The following ZNF536 variants were observed in gnomAD, a reference collection of about 807,000 sequenced individuals.
ZNF536 encodes the protein zinc finger protein 536.
A neutral mutation model predicts 84.5 loss-of-function variants in ZNF536; 13 were observed. The ratio of observed to expected loss-of-function variants is 0.15; its 90% CI spans 0.10 to 0.24. The LOEUF (loss-of-function observed/expected upper bound fraction) is 0.24, where lower values mean the gene tolerates loss of function less well. Among genes scored for constraint, ZNF536 ranks in the 10% least tolerant of loss-of-function variants. The pLI is 1.00. For missense variants in ZNF536, 1,536 were observed against 1,747.5 expected, an observed-to-expected ratio of 0.88 and a Z score of 2.16; for synonymous variants, 811 against 742.5, an observed-to-expected ratio of 1.09 and a Z score of -1.50.
At chr19:30,253,086 C>T (rs2145117792) in intron 1 of ZNF536, among the ~76,000 whole-genome samples, 1 of 152,242 alleles carries the variant, frequency 6.6e-6, no homozygotes, top group South Asian at 2.1e-4. Context: ...GAACCATCAC[C>T]CTTTAGGCAA....
exon 2 of ZNF536, chr19:30,711,661 T>A (rs1370619821): frequency 1.3e-5 from 2 of 152,034 alleles, no homozygotes; most frequent in Non-Finnish European, 2.9e-5. Context: ...CCAAATGAAA[T>A]CAATGATCAG....
chr19:30,287,190 G>A (rs553480197), intron 2 of ZNF536, among the ~76,000 whole-genome samples: 2 of 142,434 alleles, frequency 1.4e-5, no homozygotes, highest in East Asian at 4.8e-4. Flanking sequence ...TAGATGGATG[G>A]ATGGGAGGAT....
chr19:30,407,002 C>T (rs1246734443), intron 1 of ZNF536, among the ~76,000 whole-genome samples: 1 of 152,178 alleles, frequency 6.6e-6, no homozygotes, highest in Non-Finnish European at 1.5e-5. Context: ...CCACCAGTTA[C>T]TTTAATGAGG....
At chr19:30,682,080 G>A (rs2050995478) in intron 1 of ZNF536, among the ~76,000 whole-genome samples, 1 of 152,174 alleles carries the variant, frequency 6.6e-6, no homozygotes. Flanking sequence ...TTATGGCCCA[G>A]GAAGGAGAAC....
At chr19:30,626,819 C>T (rs1469953521) in intron 1 of ZNF536, among the ~76,000 whole-genome samples, 22 of 152,222 alleles carry the variant, frequency 1.4e-4, no homozygotes, top group Non-Finnish European at 2.6e-4. Context: ...TCCCGGCCAG[C>T]GGCAGCCTGC....
chr19:30,598,675 G>A (rs1276131530), intron 1 of ZNF536, among the ~76,000 whole-genome samples: 4 of 151,988 alleles, frequency 2.6e-5, no homozygotes, highest in Admixed American at 2.6e-4. Context: ...GATAAACATG[G>A]TGATTTTACC....
In ZNF536 at chr19:30,229,912, A is replaced by G. The variant is rs538189422; in HGVS notation, c.-190+1239A>G. 1.2e-4 allele frequency among the ~76,000 whole-genome samples: 19 copies of G among 152,252 alleles called. No individual in the cohort carries two copies. The South Asian group carries it at 3.7e-3, about 30-fold the overall frequency. On this transcript the variant is annotated intron_variant, in intron 1 of 5. Coordinates refer to the ZNF536 transcript ENST00000585628. ...GCCTCAGTCCCAGACACTGACATAC[A>G]TGACAGGCCCCTGGGCTGAGGGACC...
rs2022923957 is a variant in ZNF536, at chr19:30,230,141, G to A, written c.-190+1468G>A. Among the ~76,000 whole-genome samples the A allele has an allele frequency of 3.3e-5, 5 of 152,070 alleles. 1 individual carries two copies. Among genetic ancestry groups the A allele is most frequent in the Admixed American group, 3.3e-4 (5 of 15,272 alleles). Reference sequence around the variant, plus strand: ...ATGTTAATATCACTGCAAGTCAGCCGGATTTAGTGTTGATTTTTAACTAGT... The same window carrying A: ...ATGTTAATATCACTGCAAGTCAGCCAGATTTAGTGTTGATTTTTAACTAGT... On this transcript the variant is annotated intron_variant, in intron 1 of 5. Transcript: ENST00000585628.
intron 2 of ZNF536, among the ~76,000 whole-genome samples, chr19:30,337,698 C>T (rs1216735753): frequency 1.3e-5 from 2 of 152,222 alleles, no homozygotes; most frequent in African/African-American, 2.4e-5. Context: ...TTGCTTAAGG[C>T]TCTGCTGGTA....
chr19:30,527,307 C>G (rs751505385), intron 2 of ZNF536, among the ~76,000 whole-genome samples: 8 of 148,244 alleles, frequency 5.4e-5, no homozygotes, highest in Non-Finnish European at 1.0e-4. Flanking sequence ...TCTCTTGCCA[C>G]CAGCAAATGG....
At chr19:30,663,904 A>G (rs557665658) in intron 1 of ZNF536, among the ~76,000 whole-genome samples, 5 of 152,354 alleles carry the variant, frequency 3.3e-5, no homozygotes, top group Non-Finnish European at 7.3e-5. Flanking sequence ...TACTAAAAGT[A>G]ATGCCATAAT....
chr19:30,267,057 G>A (rs1347247169), intron 1 of ZNF536, among the ~76,000 whole-genome samples: 1 of 152,238 alleles, frequency 6.6e-6, no homozygotes, highest in Admixed American at 6.5e-5. Context: ...CAGAGTGGAA[G>A]AAATGGATCA....
chr19:30,550,828 G>A (rs961764106), intron 4 of ZNF536, among the ~76,000 whole-genome samples: 1 of 151,838 alleles, frequency 6.6e-6, no homozygotes, highest in African/African-American at 2.4e-5. Context: ...TTGAATTGTC[G>A]AAAATCACTA....
At position 30,445,439 on chromosome 19, in the gene ZNF536, T is replaced by C. The variant is rs1435084787; in HGVS notation, c.1877T>C (p.Met626Thr). The change falls in exon 2 of 5, where the codon ATG becomes ACG. Residue 626 changes from methionine to threonine, a missense_variant. By Grantham distance (81) the Met-to-Thr change is moderately conservative (BLOSUM62 -1). Around this residue, in one of 8 missense-constraint regions of ZNF536, gnomAD observed 366 missense variants for 364.4 expected, o/e 1.00. Transcript: ENST00000355537. This position sits in a 1 kb window ranked among gnomAD's most constrained non-coding sequence, Gnocchi z 4.5. ...LEYNLQGPGN[M>T]KEKPTECPDC... ...TATAACCTGCAGGGTCCTGGGAACATGAAGGAGAAGCCCACCGAGTGCCCC... is the reference window on the plus strand; with the variant it reads ...TATAACCTGCAGGGTCCTGGGAACACGAAGGAGAAGCCCACCGAGTGCCCC... 1.2e-6 allele frequency: 2 copies of C among 1,613,942 alleles called. No individual in the cohort carries two copies. Among genetic ancestry groups the C allele is most frequent in the Non-Finnish European group, 1.7e-6 (2 of 1,179,986 alleles).
intron 1 of ZNF536, among the ~76,000 whole-genome samples, chr19:30,253,113 A>T (rs1454841431): frequency 6.6e-6 from 1 of 152,194 alleles, no homozygotes; most frequent in Non-Finnish European, 1.5e-5. Flanking sequence ...ACCCCTTGGA[A>T]GCTCTCAGAT....
chr19:30,325,495 GGGGGCTGTTTT>G (rs1242300015), intron 2 of ZNF536, among the ~76,000 whole-genome samples: 1 of 152,150 alleles, frequency 6.6e-6, no homozygotes, highest in Non-Finnish European at 1.5e-5. Flanking sequence ...GTCAGTGTCT[GGGGGCTGTTTT>G]GGGGCTCCAG....
At chr19:30,266,966 A>G (rs913688757) in intron 1 of ZNF536, among the ~76,000 whole-genome samples, 13 of 152,218 alleles carry the variant, frequency 8.5e-5, no homozygotes, top group Non-Finnish European at 8.8e-5. Flanking sequence ...GCAGAAAGCT[A>G]TTTGGAAATG....
upstream of ZNF536, among the ~76,000 whole-genome samples, chr19:30,371,509 A>G (rs763554085): frequency 6.6e-6 from 1 of 150,498 alleles, no homozygotes; most frequent in Admixed American, 6.6e-5. Context: ...TCAAGCCATC[A>G]CCACTAAAAT....
intron 1 of ZNF536, among the ~76,000 whole-genome samples, chr19:30,564,899 C>T (rs967626923): frequency 2.0e-5 from 3 of 152,080 alleles, no homozygotes; most frequent in East Asian, 1.9e-4. Flanking sequence ...CTGGGCTCGG[C>T]GGGGCCACAG....
Sources: gnomAD v4.1 joint callset for allele counts (sites outside exome capture counted in the v4.1 genomes callset) on GRCh38, gnomAD v4.1.1 for gene constraint, gnomAD v4.1.1 regional missense constraint, Gnocchi (gnomAD v3.1) non-coding constraint, MANE v1.5 for transcripts, NCBI Gene and HGNC (gene_info 2026-07-23, HGNC 2026-07-21) for gene names.